The following CNKSR2 variants were observed in gnomAD, a reference collection of about 807,000 sequenced individuals.
CNKSR2 encodes the protein connector enhancer of kinase suppressor of Ras 2.
CNKSR2 carries 14 observed loss-of-function variants against 84.4 expected under a neutral mutation model. That is an observed-to-expected ratio of 0.17 (90% confidence interval 0.11 to 0.26). CNKSR2 has a LOEUF of 0.26. CNKSR2 is among the 10% of genes least tolerant of loss of function. The pLI is 1.00. For synonymous variants in CNKSR2, 275 were observed against 277.9 expected, an observed-to-expected ratio of 0.99 and a Z score of 0.10; for missense variants, 485 against 771.2, an observed-to-expected ratio of 0.63 and a Z score of 4.40.
intron 6 of CNKSR2, chrX:21,492,720 A>G (rs920209117): frequency 8.9e-6 from 1 of 112,025 alleles, no homozygotes. Context: ...AATGTTGAAT[A>G]TTAATAGAAA....
intron 1 of CNKSR2, among the ~76,000 whole-genome samples, chrX:21,376,111 C>T (rs1243942077): frequency 8.9e-6 from 1 of 112,420 alleles, no homozygotes; most frequent in East Asian, 2.8e-4. Context: ...CTGAAAATGC[C>T]CGTTCCTACG....
intron 20 of CNKSR2, among the ~76,000 whole-genome samples, chrX:21,618,094 T>C (rs1377522059): frequency 9.0e-6 from 1 of 110,806 alleles, no homozygotes; most frequent in African/African-American, 3.3e-5. Context: ...AATTAGCAAG[T>C]CCAGCCTTCA....
At chrX:21,555,786 A>T (rs2092134602) in intron 11 of CNKSR2, among the ~76,000 whole-genome samples, 1 of 111,351 alleles carries the variant, frequency 9.0e-6, no homozygotes, top group Non-Finnish European at 1.9e-5. Context: ...TTCTTTGAAA[A>T]TTTTTTTAAA....
chrX:21,485,088 C>T (rs2091367257), intron 5 of CNKSR2, among the ~76,000 whole-genome samples: 1 of 110,594 alleles, frequency 9.0e-6, no homozygotes, highest in Non-Finnish European at 1.9e-5. Flanking sequence ...GAGGCTGAGG[C>T]AGGAGAATAG....
In CNKSR2 at chrX:21,629,881, G is replaced by A. The variant is rs138825625; in HGVS notation, c.2693-18950G>A. ...GAAGTATATTCAATGACCATATAATGAATTATGAAGAAGTGAAAACTGAAG... is the reference window on the plus strand; with the variant it reads ...GAAGTATATTCAATGACCATATAATAAATTATGAAGAAGTGAAAACTGAAG... On this transcript the variant is annotated intron_variant, in intron 20 of 21. Transcript: ENST00000379510. Among the ~76,000 whole-genome samples, 819 of 112,401 alleles carry A rather than the reference G, an allele frequency of 7.3e-3. 2 individuals are homozygous for A. Among genetic ancestry groups the A allele is most frequent in the African/African-American group, 0.025 (775 of 30,952 alleles).
chrX:21,432,811 A>G lies in CNKSR2; in HGVS notation c.428A>G (p.Asp143Gly), dbSNP rs1318619297. The change falls in exon 3 of 22, where the codon GAC (aspartate) becomes GGC (glycine). Residue 143 changes from aspartate (D) to glycine (G), a missense_variant. Transcript: ENST00000379510. ...GAAKSLLAWL[D>G]RSPFAAVTDY... Reference sequence around the variant, plus strand: ...GCCAAGAGTCTGCTTGCCTGGTTGGACAGGTAAAGTCTTCCGCATGTTTCA... The same window carrying G: ...GCCAAGAGTCTGCTTGCCTGGTTGGGCAGGTAAAGTCTTCCGCATGTTTCA... The G allele has an allele frequency of 8.3e-7, 1 of 1,207,506 alleles. No individual in the cohort carries two copies. The highest frequency in any genetic ancestry group is 1.1e-6 in the Non-Finnish European group (1 of 893,443).
intron 20 of CNKSR2, among the ~76,000 whole-genome samples, chrX:21,611,976 G>A (rs891322539): frequency 5.4e-5 from 6 of 111,812 alleles, no homozygotes; most frequent in African/African-American, 2.0e-4. Context: ...CAAACTGTTC[G>A]TAACAGAGTA....
chrX:21,502,490 A>G (rs1420912879), intron 8 of CNKSR2, among the ~76,000 whole-genome samples: 1 of 109,970 alleles, frequency 9.1e-6, no homozygotes, highest in Non-Finnish European at 1.9e-5. Context: ...AACTCATCAG[A>G]GTGAGTAATT....
chrX:21,402,595 AAGAG>A lies in CNKSR2; in HGVS notation c.65-23899_65-23896del, dbSNP rs761586933. Among the ~76,000 whole-genome samples the A allele has an allele frequency of 2.3e-3, 260 of 111,151 alleles. 2 individuals carry two copies. The South Asian group carries it at 0.047, about 20-fold the overall frequency. On this transcript the variant is annotated intron_variant, in intron 1 of 21. Coordinates refer to ENST00000379510, the MANE Select transcript of CNKSR2 (RefSeq NM_014927.5). ...TTTAATTAGCTCCTATTTATGCTAA[AAGAG>A]AGGATAATGCTAAAATAGTAAATAA... is the stretch of plus-strand genomic sequence containing the variant.
intron 20 of CNKSR2, among the ~76,000 whole-genome samples, chrX:21,621,640 CTT>C (rs1416485134): frequency 5.4e-5 from 6 of 110,809 alleles, no homozygotes; most frequent in African/African-American, 1.6e-4. Flanking sequence ...CATTCAAAGT[CTT>C]TATATAGATC....
intron 11 of CNKSR2, 142 bp downstream of exon 11, chrX:21,532,209 T>C (rs2091892475): frequency 1.6e-5 from 6 of 381,087 alleles, no homozygotes; most frequent in Admixed American, 9.7e-5. Context: ...CATGTGCTTC[T>C]AAGTGGAATT....
chrX:21,376,415 T>C (rs1601708300), intron 1 of CNKSR2, among the ~76,000 whole-genome samples: 1 of 112,282 alleles, frequency 8.9e-6, no homozygotes, highest in Non-Finnish European at 1.9e-5. Context: ...TGTGAGTGAA[T>C]TGAATTAAAC....
In CNKSR2 at chrX:21,563,436, A is replaced by C; in HGVS notation, c.1592A>C (p.Glu531Ala). The C allele has an allele frequency of 3.3e-6, 4 of 1,203,220 alleles. No individual in the cohort carries two copies. The highest frequency in any genetic ancestry group is 4.5e-6 in the Non-Finnish European group (4 of 888,087). Residue 531 changes from glutamate (E) to alanine (A), a missense_variant, in exon 13 of 22, where the codon GAG becomes GCG. Around this residue, in one of 5 missense-constraint regions of CNKSR2, gnomAD observed 132 missense variants for 166.7 expected, o/e 0.79. Transcript: ENST00000379510. Reference sequence around the variant, plus strand: ...GACATCATGGGCACTCCTGTGCCAGAGACCACACTATACCATGTAAGTAAA... The same window carrying C: ...GACATCATGGGCACTCCTGTGCCAGCGACCACACTATACCATGTAAGTAAA... ...RQDIMGTPVPETTLYHTFQQS... is the reference protein window; with the variant it reads ...RQDIMGTPVPATTLYHTFQQS...
chrX:21,558,381 T>A lies in CNKSR2; in HGVS notation c.1304-3090T>A, dbSNP rs751675936. Among the ~76,000 whole-genome samples the A allele has an allele frequency of 5.2e-3, 585 of 111,506 alleles. 4 individuals carry two copies. Among genetic ancestry groups the A allele is most frequent in the African/African-American group, 0.018 (567 of 30,855 alleles). ...TAAATCAATAATATACTTTATTTTT[T>A]AAAATACTTATTTTTATTTGCATTG... is the stretch of plus-strand genomic sequence containing the variant. On this transcript the variant is annotated intron_variant, in intron 11 of 21. Transcript: ENST00000379510.
chrX:21,477,223 A>G (rs756384332), intron 5 of CNKSR2, among the ~76,000 whole-genome samples: 3 of 112,128 alleles, frequency 2.7e-5, no homozygotes, highest in Non-Finnish European at 5.6e-5. Flanking sequence ...CACCTTTTAC[A>G]TTAGCCAAAG....
intron 7 of CNKSR2, among the ~76,000 whole-genome samples, chrX:21,499,991 A>T (rs1423894266): frequency 1.8e-5 from 2 of 111,231 alleles, no homozygotes; most frequent in Non-Finnish European, 3.8e-5. Flanking sequence ...TGTGAACCAA[A>T]TACCACAGGA....
At chrX:21,388,331 A>G (rs1358457105) in intron 1 of CNKSR2, among the ~76,000 whole-genome samples, 1 of 112,609 alleles carries the variant, frequency 8.9e-6, no homozygotes, top group Non-Finnish European at 1.9e-5. Flanking sequence ...AACAAATATT[A>G]GGAGAAATGT....
chrX:21,411,317 ATT>A (rs2090342696), intron 1 of CNKSR2, among the ~76,000 whole-genome samples: 1 of 111,527 alleles, frequency 9.0e-6, no homozygotes, highest in Non-Finnish European at 1.9e-5. Context: ...AGTAAGAGGA[ATT>A]TTAGATAGGC....
intron 13 of CNKSR2, among the ~76,000 whole-genome samples, chrX:21,573,842 C>T (rs774184224): frequency 2.7e-5 from 3 of 111,980 alleles, no homozygotes; most frequent in Non-Finnish European, 3.8e-5. Flanking sequence ...GATTAACATT[C>T]GGCTCCTTGT....
Sources: allele counts gnomAD v4.1 joint callset (sites outside exome capture counted in the v4.1 genomes callset), GRCh38; gene constraint gnomAD v4.1.1; regional missense constraint gnomAD v4.1.1; transcripts MANE v1.5; gene names NCBI Gene and HGNC (gene_info 2026-07-23, HGNC 2026-07-21).